Variants in ZSWIM8 observed in about 807,000 individuals in gnomAD.
ZSWIM8 encodes the protein zinc finger SWIM domain-containing protein 8.
ZSWIM8 carries 27 observed loss-of-function variants against 173.7 expected under a neutral mutation model. The observed-to-expected ratio is 0.16, with a 90% confidence interval of 0.11 to 0.21. The LOEUF (loss-of-function observed/expected upper bound fraction) is 0.21. Ranked by LOEUF, ZSWIM8 falls within the 10% of genes least tolerant of loss-of-function variation. ZSWIM8 has a pLI of 1.00. For synonymous variants in ZSWIM8, 958 were observed against 962.0 expected, an observed-to-expected ratio of 1.00 and a Z score of 0.08; for missense variants, 1,627 against 2,428.8, an observed-to-expected ratio of 0.67 and a Z score of 6.94.
rs1399628919 is a variant in ZSWIM8 at position 73,800,810 on chromosome 10, C to A, written c.5122+51C>A. 16 of 1,394,460 alleles carry A rather than the reference C, an allele frequency of 1.1e-5. No individual in the cohort carries two copies. Among genetic ancestry groups the A allele is most frequent in the Non-Finnish European group, 1.6e-5 (16 of 1,012,134 alleles). 86.4% of individuals were successfully genotyped at this position (1,394,460 alleles called of 1,614,324 possible). A position where few individuals can be genotyped will look rare whatever the true frequency, so the allele number is the denominator to read the frequency against. ...TTGCCCCCCCCCCACCTGCTCTCCCCACCTTCCTTATCCCAGACCTCCTTC... is the reference window on the plus strand; with the variant it reads ...TTGCCCCCCCCCCACCTGCTCTCCCAACCTTCCTTATCCCAGACCTCCTTC... On this transcript the variant is annotated intron_variant, in intron 24 of 25. Transcript: ENST00000604729. This position sits in a 1 kb window ranked among gnomAD's most constrained non-coding sequence, Gnocchi z 4.1.
chr10:73,799,194 G>T lies in ZSWIM8; in HGVS notation c.4369G>T (p.Ala1457Ser). The change falls in exon 21 of 26, where the codon GCT becomes TCT. Residue 1457 changes from alanine to serine, a missense_variant. Ala to Ser is a moderately conservative substitution (Grantham distance 99). Transcript: ENST00000604729. The stretch of plus-strand genomic sequence containing the variant: ...CAGTGGGATCAGGGCAGGTGGGGAA[G>T]CTGGGCGGGGTATGCCTGAGGGTAG... Reference protein sequence around the residue: ...SASGIRAGGEAGRGMPEGRGG... With the variant: ...SASGIRAGGESGRGMPEGRGG... 6.2e-7 allele frequency: 1 copy of T among 1,609,674 alleles called. No homozygotes were observed. Among genetic ancestry groups the T allele is most frequent in the Non-Finnish European group, 8.5e-7 (1 of 1,177,868 alleles).
Position 73,793,690 on chromosome 10 carries a change from G to C in ZSWIM8, c.2416G>C (p.Asp806His), listed in dbSNP as rs373223260. Residue 806 changes from aspartate to histidine, a missense_variant, in exon 11 of 26, where the codon GAC becomes CAC. This residue lies in a region of ZSWIM8 where 169 missense variants were observed against 235.3 expected (regional missense o/e 0.72). Coordinates refer to ENST00000604729, the MANE Select transcript of ZSWIM8 (RefSeq NM_001367799.1). ...LAQDLLANPP[D>H]LKVEPPPAKG... ...CCAGGATCTGCTAGCCAACCCACCC[G>C]ACCTCAAGGTAGAGCCGCCCCCTGC... 7.4e-6 allele frequency: 12 copies of C among 1,613,042 alleles called. No individual in the cohort carries two copies. The highest frequency in any genetic ancestry group is 1.7e-6 in the Non-Finnish European group (2 of 1,179,540).
chr10:73,796,043 CAG>C (rs914614701), intron 15 of ZSWIM8, among the ~76,000 whole-genome samples: 1 of 149,538 alleles, frequency 6.7e-6, no homozygotes, highest in Non-Finnish European at 1.5e-5. Flanking sequence ...CTACCTTTCT[CAG>C]GGAGTTTCCA....
rs541702580 is a variant in ZSWIM8, at chr10:73,800,398, C to T, written c.4928C>T (p.Pro1643Leu). ...CCTCTGGTGAGCGGAGGTTTTCCAC[C>T]GCCCGAGGAGGAGACACACAGTCAG... ...PSPLVSGGFP[P>L]PEEETHSQPV... The change falls in exon 23 of 26, where the codon CCG becomes CTG. Residue 1643 changes from proline (P) to leucine (L), a missense_variant. Physicochemically the swap from Pro to Leu is moderately conservative, Grantham distance 98. Transcript: ENST00000604729. This position sits in a 1 kb window ranked among gnomAD's most constrained non-coding sequence, Gnocchi z 4.1. The T allele has an allele frequency of 4.8e-5, 78 of 1,613,892 alleles. No homozygotes were observed. The highest frequency in any genetic ancestry group is 1.4e-4 in the South Asian group (13 of 91,078).
intron 1 of ZSWIM8, chr10:73,786,331 T>C (rs1191065725): frequency 2.5e-6 from 1 of 403,332 alleles, no homozygotes; most frequent in African/African-American, 2.1e-5. Flanking sequence ...TGTGTGGGTG[T>C]GTGTGTGTGT....
intron 15 of ZSWIM8, 47 bp downstream of exon 15, chr10:73,795,710 C>A: frequency 6.3e-7 from 1 of 1,585,636 alleles, no homozygotes. Flanking sequence ...GTAATCCCAG[C>A]AGTTTGGGAG....
At chr10:73,787,518 A>G (rs2083269169) in intron 1 of ZSWIM8, among the ~76,000 whole-genome samples, 1 of 152,126 alleles carries the variant, frequency 6.6e-6, no homozygotes, top group African/African-American at 2.4e-5. Flanking sequence ...AAAACATGCC[A>G]TATTACCCCA....
chr10:73,794,556 G>T lies in ZSWIM8; in HGVS notation c.2825G>T (p.Gly942Val), dbSNP rs781473644. The T allele has an allele frequency of 8.3e-6, 13 of 1,561,816 alleles. 1 individual carries two copies. In the South Asian group the frequency reaches 1.5e-4, roughly 18 times the overall value. ...VLCAPVVSPT[G>V]SRPPSRNWNS... Reference sequence around the variant, plus strand: ...TTTTATACAGTGGTTTCTCCCACAGGTTCCCGGCCCCCAAGTCGCAACTGG... The same window carrying T: ...TTTTATACAGTGGTTTCTCCCACAGTTTCCCGGCCCCCAAGTCGCAACTGG... Residue 942 changes from glycine to valine, a missense_variant, in exon 14 of 26, where the codon GGT becomes GTT. This residue lies in a region of ZSWIM8 where 169 missense variants were observed against 235.3 expected (regional missense o/e 0.72). Transcript: ENST00000604729.
Position 73,794,549 on chromosome 10 carries a change from C to G in ZSWIM8, c.2818C>G (p.Pro940Ala). ...FDVLCAPVVS[P>A]TGSRPPSRNW... ...CCCCAACTTTTATACAGTGGTTTCT[C>G]CCACAGGTTCCCGGCCCCCAAGTCG... The change falls in exon 14 of 26, where the codon CCC (proline) becomes GCC (alanine). Residue 940 changes from proline to alanine, a missense_variant. Transcript: ENST00000604729. The G allele has an allele frequency of 6.4e-7, 1 of 1,561,454 alleles. No homozygotes were observed. The highest frequency in any genetic ancestry group is 8.7e-7 in the Non-Finnish European group (1 of 1,151,990).
chr10:73,788,132 C>T (rs548301341), intron 1 of ZSWIM8, among the ~76,000 whole-genome samples: 5 of 151,972 alleles, frequency 3.3e-5, no homozygotes, highest in Admixed American at 6.6e-5. Context: ...CATTTAGGCG[C>T]GCCAAAAGTG....
At position 73,786,103 on chromosome 10, in the gene ZSWIM8, G is replaced by GTCT; in HGVS notation, c.208+17_208+18insTCT. On this transcript the variant is annotated intron_variant, in intron 1 of 25. Coordinates refer to ENST00000604729, the MANE Select transcript of ZSWIM8 (RefSeq NM_001367799.1). ...GAATGCGAGGTGAGAGTGAGCTGGG[G>GTCT]GGAAGAGGAGCGGCAGGCCCTGCTT... 1 of 1,537,446 alleles carries GTCT rather than the reference G, an allele frequency of 6.5e-7. No homozygotes were observed.
chr10:73,795,721 G>C, intron 15 of ZSWIM8, 58 bp downstream of exon 15: 3 of 1,555,834 alleles, frequency 1.9e-6, no homozygotes, highest in Non-Finnish European at 2.6e-6. Flanking sequence ...AGTTTGGGAG[G>C]CAGAGGCGGG....
At position 73,801,013 on chromosome 10, in the gene ZSWIM8, C is replaced by T. The variant is rs1302317649; in HGVS notation, c.5123-4C>T. On this transcript the variant is annotated splice_polypyrimidine_tract_variant and splice_region_variant and intron_variant, in intron 24 of 25. Transcript: ENST00000604729. This position sits in a 1 kb window ranked among gnomAD's most constrained non-coding sequence, Gnocchi z 4.9. ...CGTCTCATGCCCCTCCCCCTGCCCCCCAGGAGTGAACTACGTGCACCAGTT... is the reference window on the plus strand; with the variant it reads ...CGTCTCATGCCCCTCCCCCTGCCCCTCAGGAGTGAACTACGTGCACCAGTT... 1.3e-6 allele frequency: 2 copies of T among 1,542,854 alleles called. No homozygotes were observed. The highest frequency in any genetic ancestry group is 2.7e-5 in the African/African-American group (2 of 72,902).
intron 14 of ZSWIM8, 53 bp from the exon 15 acceptor site, chr10:73,795,486 T>C (rs1300817021): frequency 3.1e-6 from 5 of 1,606,406 alleles, no homozygotes; most frequent in Non-Finnish European, 4.3e-6. Context: ...TTACCTTTGC[T>C]GTCTTGGGAA....
In ZSWIM8 at chr10:73,794,158, A is replaced by G. The variant is rs761269213; in HGVS notation, c.2637A>G (p.Ala879=). The part of the protein sequence containing the change: ...ASTKALEVKL[A]YQESEVAALL... ...TCCTGTGCCCTCAGGTGAAGCTGGC[A>G]TACCAGGAGTCTGAGGTGGCTGCCC... Residue 879 remains alanine (A), a synonymous_variant, in exon 13 of 26, where the codon GCA becomes GCG. Transcript: ENST00000604729. 28 of 1,613,892 alleles carry G rather than the reference A, an allele frequency of 1.7e-5. No individual in the cohort carries two copies. Among genetic ancestry groups the G allele is most frequent in the Non-Finnish European group, 2.2e-5 (26 of 1,179,886 alleles).
At position 73,800,674 on chromosome 10, in the gene ZSWIM8, A is replaced by T; in HGVS notation, c.5037A>T (p.Ala1679=). 1 of 1,613,722 alleles carries T rather than the reference A, an allele frequency of 6.2e-7. No individual in the cohort carries two copies. The change falls in exon 24 of 26, where the codon GCA becomes GCT. Residue 1679 remains alanine (A), a synonymous_variant. Coordinates refer to ENST00000604729, the MANE Select transcript of ZSWIM8 (RefSeq NM_001367799.1). This position sits in a 1 kb window ranked among gnomAD's most constrained non-coding sequence, Gnocchi z 4.1. ...CACTGGAGATGCTGGGTCGCCGGGCACACAACGATCACCCCAACAACTTCT... is the reference window on the plus strand; with the variant it reads ...CACTGGAGATGCTGGGTCGCCGGGCTCACAACGATCACCCCAACAACTTCT... ...MLALEMLGRR[A]HNDHPNNFSR... is the part of the protein sequence containing the mutation.
chr10:73,797,488 A>G lies in ZSWIM8; in HGVS notation c.3545A>G (p.Gln1182Arg). ...GCCCCCACCTCCTGGGGTCGAGGTC[A>G]GGACAGTGACAGCATTAGCAGCTCT... ...GWAPTSWGRG[Q>R]DSDSISSSSS... is the part of the protein sequence containing the mutation. Residue 1182 changes from glutamine (Q) to arginine (R), a missense_variant, in exon 18 of 26, where the codon CAG becomes CGG. Physicochemically the swap from Gln to Arg is conservative, Grantham distance 43. Coordinates refer to ENST00000604729, the MANE Select transcript of ZSWIM8 (RefSeq NM_001367799.1). The surrounding 1 kb of genome is among the most constrained non-coding windows in gnomAD (Gnocchi z 5.6). 1 of 1,613,980 alleles carries G rather than the reference A, an allele frequency of 6.2e-7. No individual in the cohort carries two copies. The highest frequency in any genetic ancestry group is 8.5e-7 in the Non-Finnish European group (1 of 1,179,876).
Position 73,794,002 on chromosome 10 carries a change from C to T in ZSWIM8, c.2583C>T (p.Ala861=), listed in dbSNP as rs1267158546. Residue 861 remains alanine (A), a synonymous_variant, in exon 12 of 26, where the codon GCC becomes GCT. Coordinates refer to ENST00000604729, the MANE Select transcript of ZSWIM8 (RefSeq NM_001367799.1). The part of the protein sequence containing the change: ...HNLAFRVGMF[A]LELQRPPAST... Reference sequence around the variant, plus strand: ...TGGCCTTCCGAGTTGGCATGTTTGCCTTGGAGCTACAGAGGCCTCCAGCTT... The same window carrying T: ...TGGCCTTCCGAGTTGGCATGTTTGCTTTGGAGCTACAGAGGCCTCCAGCTT... 2 of 1,613,328 alleles carry T rather than the reference C, an allele frequency of 1.2e-6. No homozygotes were observed. Among genetic ancestry groups the T allele is most frequent in the African/African-American group, 2.7e-5 (2 of 74,908 alleles).
At chr10:73,788,297 A>G (rs1355846207) in intron 1 of ZSWIM8, among the ~76,000 whole-genome samples, 2 of 151,958 alleles carry the variant, frequency 1.3e-5, no homozygotes, top group African/African-American at 2.4e-5. Context: ...GACATTAACC[A>G]TGTAATTTGA....
Sources: gnomAD v4.1 joint callset for allele counts (sites outside exome capture counted in the v4.1 genomes callset) on GRCh38, gnomAD v4.1.1 for gene constraint, gnomAD v4.1.1 regional missense constraint, Gnocchi (gnomAD v3.1) non-coding constraint, MANE v1.5 for transcripts, NCBI Gene and HGNC (gene_info 2026-07-23, HGNC 2026-07-21) for gene names.